The following SEC23IP variants were observed in gnomAD, a reference collection of about 807,000 sequenced individuals.
SEC23IP encodes SEC23 interacting protein.
SEC23IP carries 70 observed loss-of-function variants against 113.4 expected under a neutral mutation model. That is an observed-to-expected ratio of 0.62 (90% CI 0.51 to 0.75). SEC23IP has a LOEUF of 0.75. SEC23IP is among the 30% of genes least tolerant of loss of function. SEC23IP has a pLI of 0.00. For synonymous variants in SEC23IP, 398 were observed against 421.0 expected (o/e 0.95, Z 0.67); for missense variants, 1,160 against 1,204.9 (o/e 0.96, Z 0.55).
chr10:119,930,542 C>A, intron 15 of SEC23IP, 111 bp downstream of exon 15: 1 of 578,346 alleles, frequency 1.7e-6, no homozygotes, highest in Non-Finnish European at 3.1e-6. Context: ...TATTTAAGTG[C>A]CTACTATGTT....
chr10:119,933,231 T>C (rs545300572), intron 17 of SEC23IP, 64 bp downstream of exon 17: 10 of 1,350,772 alleles, frequency 7.4e-6, no homozygotes, highest in Non-Finnish European at 9.4e-6. Context: ...GCAGCAATTT[T>C]AGTTTTAGTG....
intron 3 of SEC23IP, 23 bp downstream of exon 3, chr10:119,903,032 T>A: frequency 4.5e-6 from 7 of 1,557,808 alleles, no homozygotes; most frequent in Non-Finnish European, 6.2e-6. Context: ...CATACATCAT[T>A]CATATCTGAT....
At chr10:119,899,668 C>G (rs1854414058) in intron 2 of SEC23IP, among the ~76,000 whole-genome samples, 1 of 152,138 alleles carries the variant, frequency 6.6e-6, no homozygotes, top group South Asian at 2.1e-4. Flanking sequence ...TACCAATACA[C>G]AAATTTTTGA....
Position 119,898,798 on chromosome 10 carries a change from G to C in SEC23IP, c.535G>C (p.Gly179Arg). 1 of 1,614,068 alleles carries C rather than the reference G, an allele frequency of 6.2e-7. No individual in the cohort carries two copies. The change falls in exon 2 of 19, where the codon GGA becomes CGA. Residue 179 changes from glycine to arginine, a missense_variant. Transcript: ENST00000369075. ...CCAACCCCAAGGAATTCCCCAACCA[G>C]GATACAATCCATATCGCCATACCCC... Reference protein sequence around the residue: ...GNQPQGIPQPGYNPYRHTPGS... With the variant: ...GNQPQGIPQPRYNPYRHTPGS...
chr10:119,906,584 T>A (rs1648794186), intron 4 of SEC23IP, among the ~76,000 whole-genome samples: 1 of 151,642 alleles, frequency 6.6e-6, no homozygotes, highest in African/African-American at 2.4e-5. Context: ...AATAATTTAT[T>A]TATTTATTTT....
rs1476992843 is a variant in SEC23IP at position 119,943,790 on chromosome 10, A to T, written c.*3225A>T. 2 of 152,172 alleles carry T rather than the reference A, an allele frequency of 1.3e-5. No individual in the cohort carries two copies. Among genetic ancestry groups the T allele is most frequent in the African/African-American group, 2.4e-5 (1 of 41,426 alleles). 9.4% of individuals were successfully genotyped at this position (152,172 alleles called of 1,614,324 possible). ...ATATTTCAATATATGAAATTTTATG[A>T]TGACACATAAAACAGGCCAGGGGTT... On this transcript the variant is annotated 3_prime_UTR_variant, in exon 19 of 19. Transcript: ENST00000369075.
In SEC23IP at chr10:119,898,947, A is replaced by G; in HGVS notation, c.684A>G (p.Gly228=). 6.3e-7 allele frequency: 1 copy of G among 1,586,348 alleles called. No homozygotes were observed. Among genetic ancestry groups the G allele is most frequent in the South Asian group, 1.1e-5 (1 of 88,980 alleles). The part of the protein sequence containing the change: ...PPVQMYQMPP[G]SLPPVPSSVQ... The stretch of plus-strand genomic sequence containing the variant: ...TTCAGATGTACCAGATGCCTCCAGG[A>G]TCTTTGCCACCGGTATGGAGACATG... The change falls in exon 2 of 19, where the codon GGA becomes GGG. Residue 228 remains glycine (G), a synonymous_variant. Transcript: ENST00000369075.
In SEC23IP at chr10:119,898,491, C is replaced by G; in HGVS notation, c.228C>G (p.Ala76=). The G allele has an allele frequency of 1.9e-6, 3 of 1,614,076 alleles. No individual in the cohort carries two copies. The highest frequency in any genetic ancestry group is 2.5e-6 in the Non-Finnish European group (3 of 1,179,992). ...FLGQTSIHTS[A]PQTFSYFSQV... is the part of the protein sequence containing the mutation. Reference sequence around the variant, plus strand: ...GTCAGACTTCTATTCACACATCTGCCCCACAGACATTTAGTTACTTCTCTC... The same window carrying G: ...GTCAGACTTCTATTCACACATCTGCGCCACAGACATTTAGTTACTTCTCTC... Residue 76 remains alanine, a synonymous_variant, in exon 2 of 19, where the codon GCC becomes GCG. Coordinates refer to ENST00000369075, the MANE Select transcript of SEC23IP (RefSeq NM_007190.4).
intron 18 of SEC23IP, among the ~76,000 whole-genome samples, chr10:119,935,353 C>T (rs896770238): frequency 1.3e-5 from 2 of 151,990 alleles, no homozygotes; most frequent in Non-Finnish European, 2.9e-5. Flanking sequence ...CCCAGCAACT[C>T]AGGAGGCTGA....
intron 10 of SEC23IP, among the ~76,000 whole-genome samples, chr10:119,918,978 A>G (rs1855145804): frequency 1.4e-5 from 2 of 143,830 alleles, no homozygotes; most frequent in Non-Finnish European, 3.0e-5. Flanking sequence ...AAATTTATAT[A>G]CTTTTCAGAA....
At chr10:119,935,529 ATATC>A (rs1210723175) in intron 18 of SEC23IP, among the ~76,000 whole-genome samples, 2 of 152,106 alleles carry the variant, frequency 1.3e-5, no homozygotes, top group African/African-American at 2.4e-5. Context: ...AGATTGTCCC[ATATC>A]TATCTATCCA....
intron 8 of SEC23IP, among the ~76,000 whole-genome samples, chr10:119,916,959 C>T (rs1227672178): frequency 2.0e-5 from 3 of 151,926 alleles, no homozygotes; most frequent in Non-Finnish European, 4.4e-5. Flanking sequence ...GACTTGGCCT[C>T]CTGGGCTCAA....
At position 119,920,939 on chromosome 10, in the gene SEC23IP, C is replaced by T. The variant is rs1855233881; in HGVS notation, c.2076C>T (p.Pro692=). ...DLKEMGIPLG[P]RKKIANFVEH... Reference sequence around the variant, plus strand: ...AGGAAATGGGGATACCCCTTGGACCCAGAAAGAAGATAGCTAACTTTGTAG... The same window carrying T: ...AGGAAATGGGGATACCCCTTGGACCTAGAAAGAAGATAGCTAACTTTGTAG... The change falls in exon 12 of 19, where the codon CCC becomes CCT. Residue 692 remains proline, a synonymous_variant. Coordinates refer to ENST00000369075, the MANE Select transcript of SEC23IP (RefSeq NM_007190.4). The T allele has an allele frequency of 1.2e-6, 2 of 1,613,790 alleles. No homozygotes were observed. Among genetic ancestry groups the T allele is most frequent in the South Asian group, 1.1e-5 (1 of 91,058 alleles).
chr10:119,932,892 C>T (rs1205193780), intron 16 of SEC23IP, 113 bp from the exon 17 acceptor site: 3 of 873,344 alleles, frequency 3.4e-6, no homozygotes, highest in Non-Finnish European at 5.3e-6. Flanking sequence ...CTGGTAGCTC[C>T]TCAGGTTGCT....
intron 13 of SEC23IP, among the ~76,000 whole-genome samples, chr10:119,926,468 C>T (rs760944740): frequency 1.2e-4 from 18 of 152,158 alleles, no homozygotes; most frequent in Non-Finnish European, 2.1e-4. Context: ...TCCCACCGCT[C>T]ATACTTTTAT....
intron 18 of SEC23IP, among the ~76,000 whole-genome samples, chr10:119,935,350 A>G (rs1234036976): frequency 6.6e-6 from 1 of 152,110 alleles, no homozygotes; most frequent in Non-Finnish European, 1.5e-5. Context: ...AATCCCAGCA[A>G]CTCAGGAGGC....
chr10:119,939,142 G>A (rs1056517672), intron 18 of SEC23IP, among the ~76,000 whole-genome samples: 1 of 151,138 alleles, frequency 6.6e-6, no homozygotes, highest in African/African-American at 2.4e-5. Context: ...GACATTACTT[G>A]TCTCTACTAA....
chr10:119,915,047 T>C (rs1855003754), intron 7 of SEC23IP, among the ~76,000 whole-genome samples: 1 of 152,210 alleles, frequency 6.6e-6, no homozygotes. Flanking sequence ...ATCTTGGAAG[T>C]AGTTTAGCCT....
At position 119,903,019 on chromosome 10, in the gene SEC23IP, G is replaced by A; in HGVS notation, c.907+10G>A. ...GAAATCTATAATTCAGGTAAACATT[G>A]GTCATACATCATTCATATCTGATTT... is the stretch of plus-strand genomic sequence containing the variant. On this transcript the variant is annotated intron_variant, in intron 3 of 18. Coordinates refer to ENST00000369075, the MANE Select transcript of SEC23IP (RefSeq NM_007190.4). 2 of 1,592,976 alleles carry A rather than the reference G, an allele frequency of 1.3e-6. No individual in the cohort carries two copies. Among genetic ancestry groups the A allele is most frequent in the Non-Finnish European group, 1.7e-6 (2 of 1,161,816 alleles).
Sources: gnomAD v4.1 joint callset for allele counts (sites outside exome capture counted in the v4.1 genomes callset) on GRCh38, gnomAD v4.1.1 for gene constraint, MANE v1.5 for transcripts, NCBI Gene and HGNC (gene_info 2026-07-23, HGNC 2026-07-21) for gene names.